The following RELN variants were observed in gnomAD, a reference collection of about 807,000 sequenced individuals.
RELN encodes reelin.
In RELN, 108 loss-of-function variants were observed where a neutral mutation model predicts 427.6. The ratio of observed to expected loss-of-function variants is 0.25; its 90% CI spans 0.22 to 0.30. The LOEUF is 0.30. Among genes scored for constraint, RELN ranks in the 10% least tolerant of loss-of-function variants. The pLI, the probability that RELN is intolerant of heterozygous loss-of-function variation, is 1.00. For missense variants in RELN, 3,715 were observed against 4,302.8 expected, an observed-to-expected ratio of 0.86 and a Z score of 3.82; for synonymous variants, 1,524 against 1,513.4, an observed-to-expected ratio of 1.01 and a Z score of -0.16.
At chr7:103,772,123 T>C (rs532253254) in intron 4 of RELN, among the ~76,000 whole-genome samples, 6 of 152,302 alleles carry the variant, frequency 3.9e-5, no homozygotes, top group East Asian at 1.9e-4. Flanking sequence ...TATCAGACTA[T>C]TGTAGTTTAA....
At chr7:103,561,497 T>C in intron 36 of RELN, 35 bp downstream of exon 36, 1 of 1,473,158 alleles carries the variant, frequency 6.8e-7, no homozygotes, top group African/African-American at 1.4e-5. Flanking sequence ...ATGTTAGTAG[T>C]AATGTTGGGA....
At chr7:103,508,160 G>A (rs1829277411) in intron 51 of RELN, among the ~76,000 whole-genome samples, 1 of 152,136 alleles carries the variant, frequency 6.6e-6, no homozygotes, top group Non-Finnish European at 1.5e-5. Flanking sequence ...TAGAAAAAGA[G>A]GGAATCCCCC....
At position 103,485,943 on chromosome 7, in the gene RELN, G is replaced by T. The variant is rs186099804; in HGVS notation, c.9983+254C>A. Among the ~76,000 whole-genome samples, 162 of 152,138 alleles carry T rather than the reference G, an allele frequency of 1.1e-3. 1 individual carries two copies. Among genetic ancestry groups the T allele is most frequent in the Admixed American group, 5.7e-3 (87 of 15,290 alleles). On this transcript the variant is annotated intron_variant, in intron 61 of 64. Transcript: ENST00000428762. ...TTTAAAATATTTGGCCATTTCTCTG[G>T]GTTTATGCCTACATTACCACCACTC...
chr7:103,739,231 T>C (rs185361420), intron 6 of RELN, among the ~76,000 whole-genome samples: 8 of 152,346 alleles, frequency 5.3e-5, no homozygotes, highest in African/African-American at 1.9e-4. Context: ...TATATTATAG[T>C]GCAATAATTT....
At chr7:103,688,126 G>T (rs1833800690) in intron 10 of RELN, among the ~76,000 whole-genome samples, 1 of 152,028 alleles carries the variant, frequency 6.6e-6, no homozygotes, top group Non-Finnish European at 1.5e-5. Flanking sequence ...CCCAAGCAAA[G>T]GGAATTTAGG....
rs557283341 is a variant in RELN at position 103,988,545 on chromosome 7, T to C, written c.226+586A>G. Among the ~76,000 whole-genome samples, 1 of 152,302 alleles carries C rather than the reference T, an allele frequency of 6.6e-6. No homozygotes were observed. Among genetic ancestry groups the C allele is most frequent in the Non-Finnish European group, 1.5e-5 (1 of 68,022 alleles). On this transcript the variant is annotated intron_variant, in intron 1 of 64. Coordinates refer to ENST00000428762, the MANE Select transcript of RELN (RefSeq NM_005045.4). This position sits in a 1 kb window ranked among gnomAD's most constrained non-coding sequence, Gnocchi z 4.9. Reference sequence around the variant, plus strand: ...ATATTAAATCACACTTTCAAAAGAATAGGGAGCTGGAAGCAGCCGCTCCCT... The same window carrying C: ...ATATTAAATCACACTTTCAAAAGAACAGGGAGCTGGAAGCAGCCGCTCCCT...
intron 60 of RELN, among the ~76,000 whole-genome samples, chr7:103,488,084 G>A (rs373536164): frequency 1.1e-4 from 17 of 151,964 alleles, no homozygotes; most frequent in African/African-American, 3.9e-4. Flanking sequence ...GAAGGCAGAG[G>A]TTGTAGTGAG....
chr7:103,545,324 T>C lies in RELN; in HGVS notation c.6323A>G (p.Tyr2108Cys). ...HLCGSVRFRW[Y>C]QGFYPAGSQP... ...AGAGCCGGCAGGGTAAAATCCCTGG[T>C]ACCATCTGAAACGGACAGATCTGGA... is the stretch of plus-strand genomic sequence containing the variant. The change falls in exon 42 of 65, where the codon TAC becomes TGC. Residue 2108 changes from tyrosine (Y) to cysteine (C), a missense_variant. This residue lies in a region of RELN where 1,310 missense variants were observed against 1,643.0 expected (regional missense o/e 0.80). Transcript: ENST00000428762. 6.2e-7 allele frequency: 1 copy of C among 1,613,580 alleles called. No individual in the cohort carries two copies.
At chr7:103,500,286 A>G (rs1012892782) in intron 53 of RELN, among the ~76,000 whole-genome samples, 7 of 152,250 alleles carry the variant, frequency 4.6e-5, no homozygotes, top group Admixed American at 1.3e-4. Context: ...TCAACGAATC[A>G]GAACACAGAA....
At chr7:103,696,526 A>G (rs1833979163) in intron 10 of RELN, among the ~76,000 whole-genome samples, 1 of 152,082 alleles carries the variant, frequency 6.6e-6, no homozygotes, top group Non-Finnish European at 1.5e-5. Flanking sequence ...TTTCCTTTTC[A>G]ATGAACAGCA....
intron 16 of RELN, among the ~76,000 whole-genome samples, chr7:103,642,400 G>T (rs965025872): frequency 7.1e-6 from 1 of 140,294 alleles, no homozygotes; most frequent in African/African-American, 2.7e-5. Flanking sequence ...TTGGGAAGGA[G>T]TATGTGTCCT....
At chr7:103,497,704 G>T in intron 55 of RELN, 116 bp downstream of exon 55, 1 of 838,458 alleles carries the variant, frequency 1.2e-6, no homozygotes, top group Admixed American at 2.0e-5. Flanking sequence ...CTTTTTCTTT[G>T]TGAGTTTCAC....
In RELN at chr7:103,565,170, A is replaced by G. The variant is rs362725; in HGVS notation, c.5210+108T>C. 412,265 of 1,410,640 alleles carry G rather than the reference A, an allele frequency of 0.29. 63,494 individuals are homozygous for G. Among genetic ancestry groups the G allele is most frequent in the African/African-American group, 0.48 (34,354 of 70,884 alleles). The allele number at this position is 1,410,640 out of a possible 1,614,324, so 87.4% of individuals were successfully genotyped here. A position where few individuals can be genotyped will look rare whatever the true frequency, so the allele number is the denominator to read the frequency against. ...TTTTTTCTTCCTGGCACTTCCATGC[A>G]TAATTATCATGAAAGAATAATAGAA... On this transcript the variant is annotated intron_variant, in intron 34 of 64. Coordinates refer to ENST00000428762, the MANE Select transcript of RELN (RefSeq NM_005045.4).
At chr7:103,666,193 A>G (rs1833263377) in intron 11 of RELN, among the ~76,000 whole-genome samples, 2 of 151,924 alleles carry the variant, frequency 1.3e-5, no homozygotes, top group Admixed American at 1.3e-4. Context: ...GGCTCTCCTC[A>G]GAGTAGCTGA....
At chr7:103,625,680 C>CT (rs1491423339) in intron 20 of RELN, among the ~76,000 whole-genome samples, 4 of 149,090 alleles carry the variant, frequency 2.7e-5, no homozygotes, top group Non-Finnish European at 6.0e-5. Flanking sequence ...TGTATCCCCC[C>CT]TTTTTTTAGA....
At chr7:103,714,348 A>C (rs952287485) in intron 8 of RELN, among the ~76,000 whole-genome samples, 3 of 152,196 alleles carry the variant, frequency 2.0e-5, no homozygotes, top group African/African-American at 7.2e-5. Context: ...ATATATCCAC[A>C]GGGTACTTTG....
At chr7:103,894,654 C>T (rs764756670) in intron 2 of RELN, among the ~76,000 whole-genome samples, 36 of 152,128 alleles carry the variant, frequency 2.4e-4, no homozygotes, top group Non-Finnish European at 4.6e-4. Flanking sequence ...CTCCAGTTAC[C>T]GATTTCGTGC....
At chr7:103,732,032 C>T (rs1790367635) in intron 6 of RELN, among the ~76,000 whole-genome samples, 2 of 152,066 alleles carry the variant, frequency 1.3e-5, no homozygotes, top group Non-Finnish European at 2.9e-5. Flanking sequence ...GTGACTAGTG[C>T]CTACCATGTT....
intron 1 of RELN, among the ~76,000 whole-genome samples, chr7:103,929,808 GAGCATTTGACTTCAGCTGGCACA>G (rs1220489205): frequency 1.3e-5 from 2 of 152,228 alleles, no homozygotes. Context: ...CAAGAAGGCA[GAGCATTTGACTTCAGCTGGCACA>G]AGCATTTGAC....
Sources: gnomAD v4.1 joint callset for allele counts (sites outside exome capture counted in the v4.1 genomes callset) on GRCh38, gnomAD v4.1.1 for gene constraint, gnomAD v4.1.1 regional missense constraint, Gnocchi (gnomAD v3.1) non-coding constraint, MANE v1.5 for transcripts, NCBI Gene and HGNC (gene_info 2026-07-23, HGNC 2026-07-21) for gene names.